Variants in STPG2 observed in about 807,000 individuals in gnomAD.
The protein encoded by STPG2 is sperm tail PG-rich repeat containing 2.
STPG2 carries 56 observed loss-of-function variants against 54.2 expected under a neutral mutation model. The observed-to-expected ratio is 1.03, with a 90% CI of 0.83 to 1.29. The LOEUF is 1.29. Among genes scored for constraint, STPG2 ranks in the 50% most tolerant of loss-of-function variants. The pLI, the probability that STPG2 is intolerant of heterozygous loss-of-function variation, is 0.00. For synonymous variants in STPG2, 200 were observed against 181.8 expected (o/e 1.10, Z -0.81); for missense variants, 596 against 544.9 (o/e 1.09, Z -0.93).
chr4:97,936,351 A>G (rs1233642106), intron 8 of STPG2, among the ~76,000 whole-genome samples: 1 of 152,122 alleles, frequency 6.6e-6, no homozygotes, highest in Non-Finnish European at 1.5e-5. Flanking sequence ...TGTGCTTTTT[A>G]ACTGGGGCAT....
chr4:97,823,738 T>C (rs1308692943), intron 9 of STPG2, among the ~76,000 whole-genome samples: 1 of 152,196 alleles, frequency 6.6e-6, no homozygotes, highest in Non-Finnish European at 1.5e-5. Context: ...AAATCATCTG[T>C]GTGAAACACC....
intron 4 of STPG2, among the ~76,000 whole-genome samples, chr4:97,540,723 A>G (rs989989017): frequency 6.6e-6 from 1 of 152,172 alleles, no homozygotes; most frequent in African/African-American, 2.4e-5. Flanking sequence ...AATCCTCACT[A>G]AATTCTGGCA....
chr4:97,846,623 CAAAAA>C (rs540016952), intron 8 of STPG2, among the ~76,000 whole-genome samples: 11 of 68,374 alleles, frequency 1.6e-4, no homozygotes, highest in African/African-American at 5.8e-4. Flanking sequence ...GACTCCACCT[CAAAAA>C]AAAAAAAAAA....
chr4:97,664,486 T>A (rs1208069357), intron 10 of STPG2, among the ~76,000 whole-genome samples: 1 of 152,188 alleles, frequency 6.6e-6, no homozygotes, highest in Non-Finnish European at 1.5e-5. Flanking sequence ...GAGTTCTTTC[T>A]CTATTTCCTC....
chr4:97,955,953 C>G (rs1010008595), intron 7 of STPG2, among the ~76,000 whole-genome samples: 1 of 152,002 alleles, frequency 6.6e-6, no homozygotes, highest in Admixed American at 6.6e-5. Flanking sequence ...AGCAGCAGAC[C>G]TGGACCAGAA....
At chr4:97,847,539 C>CT (rs1728992549) in intron 8 of STPG2, among the ~76,000 whole-genome samples, 2 of 152,054 alleles carry the variant, frequency 1.3e-5, no homozygotes, top group Non-Finnish European at 2.9e-5. Context: ...AAACATGATA[C>CT]TTCAAAGCTC....
chr4:97,520,051 T>C (rs1731150318), intron 4 of STPG2, among the ~76,000 whole-genome samples: 1 of 152,004 alleles, frequency 6.6e-6, no homozygotes, highest in African/African-American at 2.4e-5. Flanking sequence ...GAAAATTAAA[T>C]GAATCAATAC....
chr4:97,560,859 A>C (rs1046116936), intron 10 of STPG2, among the ~76,000 whole-genome samples: 2 of 152,166 alleles, frequency 1.3e-5, no homozygotes, highest in Non-Finnish European at 2.9e-5. Flanking sequence ...ATCTATAAGG[A>C]AATGTGTTTG....
intron 8 of STPG2, among the ~76,000 whole-genome samples, chr4:97,925,441 A>C (rs1176112044): frequency 6.6e-6 from 1 of 152,250 alleles, no homozygotes; most frequent in African/African-American, 2.4e-5. Flanking sequence ...ATATAAGTTC[A>C]CTATGACCAA....
At chr4:97,481,715 T>A (rs948167750) in intron 4 of STPG2, among the ~76,000 whole-genome samples, 1 of 151,690 alleles carries the variant, frequency 6.6e-6, no homozygotes, top group African/African-American at 2.4e-5. Flanking sequence ...CATTGAAAAA[T>A]TCACTTATTA....
At chr4:97,565,016 T>A (rs1732386220) in intron 10 of STPG2, among the ~76,000 whole-genome samples, 1 of 152,214 alleles carries the variant, frequency 6.6e-6, no homozygotes, top group Admixed American at 6.5e-5. Context: ...CTGGATAATA[T>A]CCTGCAGAGT....
intron 9 of STPG2, among the ~76,000 whole-genome samples, chr4:97,834,123 G>C (rs1176219824): frequency 6.6e-6 from 1 of 152,106 alleles, no homozygotes; most frequent in Non-Finnish European, 1.5e-5. Context: ...GCCCATCAAT[G>C]ACAGACTCGG....
intron 4 of STPG2, among the ~76,000 whole-genome samples, chr4:97,540,844 T>C (rs1030936526): frequency 5.3e-5 from 8 of 151,936 alleles, no homozygotes; most frequent in African/African-American, 1.9e-4. Flanking sequence ...TAATCCAGCA[T>C]ATAAAAAGAA....
At chr4:97,750,300 C>T (rs1725547218) in intron 9 of STPG2, among the ~76,000 whole-genome samples, 1 of 151,808 alleles carries the variant, frequency 6.6e-6, no homozygotes, top group Non-Finnish European at 1.5e-5. Flanking sequence ...CAAGACAAAG[C>T]ATTAACAACT....
intron 9 of STPG2, among the ~76,000 whole-genome samples, chr4:97,810,525 A>G (rs2149096689): frequency 6.6e-6 from 1 of 152,120 alleles, no homozygotes; most frequent in Admixed American, 6.5e-5. Context: ...TTATCTGAAT[A>G]TGTACTTATC....
intron 8 of STPG2, among the ~76,000 whole-genome samples, chr4:97,868,733 G>A (rs1178862967): frequency 1.3e-5 from 2 of 151,792 alleles, no homozygotes. Context: ...ACAGCTGTTA[G>A]AATGTATATC....
intron 4 of STPG2, among the ~76,000 whole-genome samples, chr4:97,483,739 C>T (rs1578333988): frequency 6.6e-6 from 1 of 151,880 alleles, no homozygotes; most frequent in Middle Eastern, 3.4e-3. Context: ...CAGATATATA[C>T]AGAACTTTCC....
At chr4:97,903,040 G>C (rs1033923061) in intron 8 of STPG2, among the ~76,000 whole-genome samples, 67 of 152,154 alleles carry the variant, frequency 4.4e-4, no homozygotes, top group Non-Finnish European at 1.2e-4. Flanking sequence ...AAACAGAGTA[G>C]AAGGATGGTT....
At chr4:97,652,222 A>G (rs1273890930) in intron 10 of STPG2, among the ~76,000 whole-genome samples, 1 of 151,930 alleles carries the variant, frequency 6.6e-6, no homozygotes, top group African/African-American at 2.4e-5. Flanking sequence ...AAAGCATAGA[A>G]AAGACAGTTA....
Sources: gnomAD v4.1 joint callset for allele counts (sites outside exome capture counted in the v4.1 genomes callset) on GRCh38, gnomAD v4.1.1 for gene constraint, MANE v1.5 for transcripts, NCBI Gene and HGNC (gene_info 2026-07-23, HGNC 2026-07-21) for gene names.